The following SGCZ variants were observed in gnomAD, a reference collection of about 807,000 sequenced individuals.
SGCZ encodes zeta-sarcoglycan.
Under a neutral mutation model 41.3 loss-of-function variants are expected in SGCZ, and 40 were observed. That is an observed-to-expected ratio of 0.97 (90% CI 0.75 to 1.26). The LOEUF (loss-of-function observed/expected upper bound fraction) is 1.26, where lower values mean the gene tolerates loss of function less well. SGCZ is among the 50% of genes most tolerant of loss of function. SGCZ has a pLI of 0.00. For synonymous variants in SGCZ, 206 were observed against 137.5 expected (o/e 1.50, Z -3.49); for missense variants, 552 against 369.8 (o/e 1.49, Z -4.04).
At chr8:14,993,924 C>G (rs920664695) in intron 1 of SGCZ, among the ~76,000 whole-genome samples, 3 of 152,112 alleles carry the variant, frequency 2.0e-5, no homozygotes, top group Non-Finnish European at 4.4e-5. Context: ...TGGTATGACT[C>G]TAGCTGCTGT....
In SGCZ at chr8:14,402,316, T is replaced by G. The variant is rs559421495; in HGVS notation, c.235-78112A>C. 5.8e-3 allele frequency among the ~76,000 whole-genome samples: 875 copies of G among 151,384 alleles called. 12 individuals are homozygous for G. The highest frequency in any genetic ancestry group is 0.02 in the African/African-American group (823 of 40,788). ...AATTAGATCCCATTTGTCAATTTTG[T>G]CTTTTGTTGCCATTGCTTTTGGTGT... On this transcript the variant is annotated intron_variant, in intron 2 of 7. Transcript: ENST00000382080.
intron 1 of SGCZ, among the ~76,000 whole-genome samples, chr8:15,036,673 C>A (rs1350767412): frequency 1.3e-5 from 2 of 152,004 alleles, no homozygotes; most frequent in South Asian, 2.1e-4. Flanking sequence ...GAATTAATAC[C>A]AATTATTCTC....
chr8:14,827,519 T>G (rs1802375493), intron 1 of SGCZ, among the ~76,000 whole-genome samples: 1 of 152,130 alleles, frequency 6.6e-6, no homozygotes, highest in East Asian at 1.9e-4. Context: ...TCACATTTTC[T>G]AATGTCCCAT....
At chr8:14,115,872 C>G (rs1204774353) in intron 5 of SGCZ, among the ~76,000 whole-genome samples, 1 of 151,956 alleles carries the variant, frequency 6.6e-6, no homozygotes, top group Non-Finnish European at 1.5e-5. Context: ...CTCTTCACCA[C>G]TATTTAGATT....
intron 1 of SGCZ, among the ~76,000 whole-genome samples, chr8:14,583,079 G>T (rs1407473744): frequency 1.3e-5 from 2 of 149,678 alleles, no homozygotes; most frequent in East Asian, 2.0e-4. Context: ...CTGAGGAATC[G>T]CCACACTGAC....
At chr8:14,505,140 C>T (rs1394601438) in intron 2 of SGCZ, among the ~76,000 whole-genome samples, 1 of 152,012 alleles carries the variant, frequency 6.6e-6, no homozygotes, top group Non-Finnish European at 1.5e-5. Context: ...TATAGTGGGA[C>T]CCCATCCACC....
chr8:14,752,130 G>A (rs910787173), intron 1 of SGCZ, among the ~76,000 whole-genome samples: 2 of 20,478 alleles, frequency 9.8e-5, no homozygotes, highest in Non-Finnish European at 9.1e-5. Context: ...AAACAAAAAA[G>A]CCAAAAAAAA....
intron 1 of SGCZ, among the ~76,000 whole-genome samples, chr8:15,218,405 T>C (rs904519098): frequency 1.3e-5 from 2 of 152,222 alleles, no homozygotes; most frequent in African/African-American, 2.4e-5. Flanking sequence ...CACATCCCAA[T>C]GCATATTTTT....
chr8:14,857,406 T>G (rs747059986), intron 1 of SGCZ, among the ~76,000 whole-genome samples: 1 of 152,218 alleles, frequency 6.6e-6, no homozygotes, highest in Non-Finnish European at 1.5e-5. Context: ...ACGATTCTTT[T>G]AGTTAATTTG....
rs75054512 is a variant in SGCZ at position 14,394,143 on chromosome 8, CTTTTTTTTTT to C, written c.235-69949_235-69940del. ...CATGCACTGCCCTACCGCCCCCCAC[CTTTTTTTTTT>C]TTTTTTTTTTTTTTTGAGATTTAGT... On this transcript the variant is annotated intron_variant, in intron 2 of 7. Transcript: ENST00000382080. Among the ~76,000 whole-genome samples the C allele has an allele frequency of 4.6e-3, 542 of 117,420 alleles. 7 individuals carry two copies. The highest frequency in any genetic ancestry group is 0.015 in the African/African-American group (501 of 33,308). The allele number at this position is 117,420 out of a possible 152,430, so 77.0% of individuals were successfully genotyped here. A position where few individuals can be genotyped will look rare whatever the true frequency, so the allele number is the denominator to read the frequency against.
chr8:14,656,751 G>T (rs1395620136), intron 1 of SGCZ, among the ~76,000 whole-genome samples: 1 of 151,386 alleles, frequency 6.6e-6, no homozygotes, highest in African/African-American at 2.4e-5. Context: ...TGAAAGTTTG[G>T]GATTTATGAG....
intron 1 of SGCZ, among the ~76,000 whole-genome samples, chr8:15,095,682 A>G (rs1806321419): frequency 6.6e-6 from 1 of 152,152 alleles, no homozygotes; most frequent in Non-Finnish European, 1.5e-5. Context: ...CCAAAAGCCC[A>G]TTGACCTTTA....
chr8:14,641,581 T>C (rs565475836), intron 1 of SGCZ, among the ~76,000 whole-genome samples: 1 of 151,650 alleles, frequency 6.6e-6, no homozygotes, highest in Non-Finnish European at 1.5e-5. Flanking sequence ...AAAAACAACA[T>C]ATTATATTTA....
chr8:14,112,283 T>TTGGG (rs1251785331), intron 5 of SGCZ, among the ~76,000 whole-genome samples: 39 of 113,856 alleles, frequency 3.4e-4, no homozygotes, highest in African/African-American at 1.2e-3. Flanking sequence ...TTTTTTTTTG[T>TTGGG]GGGGGGGGGG....
intron 1 of SGCZ, among the ~76,000 whole-genome samples, chr8:15,010,123 G>C (rs552674175): frequency 6.6e-6 from 1 of 152,074 alleles, no homozygotes; most frequent in Admixed American, 6.5e-5. Context: ...TTAGCCTGTT[G>C]TTCATAATGG....
At chr8:14,648,813 G>A (rs968363440) in intron 1 of SGCZ, among the ~76,000 whole-genome samples, 2 of 151,896 alleles carry the variant, frequency 1.3e-5, no homozygotes, top group Non-Finnish European at 2.9e-5. Context: ...TCAATATTTC[G>A]AGTGATTATA....
At chr8:15,110,679 T>G (rs1807013088) in intron 1 of SGCZ, among the ~76,000 whole-genome samples, 1 of 152,102 alleles carries the variant, frequency 6.6e-6, no homozygotes, top group African/African-American at 2.4e-5. Context: ...TACGAAAGTT[T>G]TTAAAGAGGC....
chr8:14,580,457 AATT>A (rs1441457362), intron 1 of SGCZ, among the ~76,000 whole-genome samples: 150 of 152,326 alleles, frequency 9.8e-4, no homozygotes, highest in African/African-American at 3.5e-3. Context: ...AGTATATTAA[AATT>A]ATTCTTATCA....
intron 1 of SGCZ, among the ~76,000 whole-genome samples, chr8:14,558,791 G>A (rs28877399): frequency 0.01 from 1,558 of 152,084 alleles, 19 homozygotes; most frequent in African/African-American, 0.036. Flanking sequence ...AATTCACCAT[G>A]ATCAAGTGGG....
Sources: allele counts gnomAD v4.1 joint callset (sites outside exome capture counted in the v4.1 genomes callset), GRCh38; gene constraint gnomAD v4.1.1; transcripts MANE v1.5; gene names NCBI Gene and HGNC (gene_info 2026-07-23, HGNC 2026-07-21).